RGS6: variants seen among roughly 807,000 people sequenced by gnomAD.
RGS6 encodes regulator of G-protein signaling 6.
Under a neutral mutation model 78.5 loss-of-function variants are expected in RGS6, and 30 were observed. The ratio of observed to expected loss-of-function variants is 0.38; its 90% CI spans 0.29 to 0.52. RGS6 has a LOEUF of 0.52. Among genes scored for constraint, RGS6 ranks in the 20% least tolerant of loss-of-function variants. RGS6 has a pLI of 0.85. For synonymous variants in RGS6, 206 were observed against 206.0 expected, an observed-to-expected ratio of 1.00 and a Z score of 0.00; for missense variants, 495 against 609.7, an observed-to-expected ratio of 0.81 and a Z score of 1.98.
rs564275353 is a variant in RGS6 at position 71,994,924 on chromosome 14, C to T, written c.84+30049C>T. Among the ~76,000 whole-genome samples the T allele has an allele frequency of 1.9e-3, 296 of 152,270 alleles. 1 individual carries two copies. Among genetic ancestry groups the T allele is most frequent in the African/African-American group, 6.7e-3 (278 of 41,552 alleles). ...TTGCTGTGGCCCCAAGAAAGTACCA[C>T]AAGCCTGAGGTTTTCACCGTCCTTA... On this transcript the variant is annotated intron_variant, in intron 2 of 17. Coordinates refer to ENST00000553525, the MANE Select transcript of RGS6 (RefSeq NM_001204424.2).
chr14:72,288,995 T>A (rs1388523838), intron 2 of RGS6, among the ~76,000 whole-genome samples: 1 of 152,152 alleles, frequency 6.6e-6, no homozygotes, highest in African/African-American at 2.4e-5. Flanking sequence ...GGCAAAGGGC[T>A]CTGCAGAGCC....
intron 2 of RGS6, among the ~76,000 whole-genome samples, chr14:72,256,708 G>A (rs2057155504): frequency 6.6e-6 from 1 of 152,166 alleles, no homozygotes; most frequent in Admixed American, 6.5e-5. Context: ...TAGTTAGGTT[G>A]GCCTATATCC....
At chr14:72,375,772 T>C (rs1346500292) in intron 3 of RGS6, among the ~76,000 whole-genome samples, 5 of 152,116 alleles carry the variant, frequency 3.3e-5, no homozygotes, top group Non-Finnish European at 1.5e-5. Context: ...GGATTACAGC[T>C]TAAGAAACTA....
At chr14:72,327,623 G>A (rs2074098607) in intron 2 of RGS6, among the ~76,000 whole-genome samples, 1 of 152,164 alleles carries the variant, frequency 6.6e-6, no homozygotes, top group Admixed American at 6.5e-5. Flanking sequence ...TCAGAGCCAA[G>A]TCTAGATATT....
chr14:72,576,654 C>T, the RGS6 span, among the ~76,000 whole-genome samples: 1 of 152,196 alleles, frequency 6.6e-6, no homozygotes, highest in African/African-American at 2.4e-5. Context: ...TTGAGCCATG[C>T]TGTGGTCCCA....
intron 2 of RGS6, among the ~76,000 whole-genome samples, chr14:72,046,628 T>TC (rs1240052163): frequency 6.7e-6 from 1 of 149,734 alleles, no homozygotes; most frequent in Non-Finnish European, 1.5e-5. Flanking sequence ...CTCTTCCTCC[T>TC]CCCCCAACCC....
the RGS6 span, chr14:72,629,678 C>A: frequency 6.5e-7 from 1 of 1,535,984 alleles, no homozygotes; most frequent in Non-Finnish European, 8.7e-7. Flanking sequence ...TGCACTGCCA[C>A]TTGTAGGTCT....
the RGS6 span, among the ~76,000 whole-genome samples, chr14:72,597,523 A>C: frequency 6.6e-6 from 1 of 152,012 alleles, no homozygotes; most frequent in Non-Finnish European, 1.5e-5. Flanking sequence ...GACCAGACAT[A>C]AATCTTTTCA....
At chr14:72,609,755 C>T in the RGS6 span, among the ~76,000 whole-genome samples, 1 of 152,128 alleles carries the variant, frequency 6.6e-6, no homozygotes, top group Non-Finnish European at 1.5e-5. Flanking sequence ...GCTGTCGTTG[C>T]TTTTTAGAGA....
chr14:72,492,445 A>G (rs1357086013), intron 12 of RGS6, among the ~76,000 whole-genome samples: 2 of 152,100 alleles, frequency 1.3e-5, no homozygotes, highest in Non-Finnish European at 2.9e-5. Context: ...TTCAAGGGAG[A>G]AGGGAGCGAG....
chr14:72,054,734 C>T (rs932915463), intron 2 of RGS6, among the ~76,000 whole-genome samples: 8 of 152,208 alleles, frequency 5.3e-5, no homozygotes, highest in Admixed American at 5.2e-4. Context: ...CTCCCCATCC[C>T]TCTGCCACCA....
chr14:72,243,101 C>T (rs1012048268), intron 2 of RGS6, among the ~76,000 whole-genome samples: 8 of 152,194 alleles, frequency 5.3e-5, no homozygotes, highest in East Asian at 1.9e-4. Flanking sequence ...CCACCCGCCT[C>T]GGCCTCCCAA....
At chr14:72,507,912 C>T (rs1271458587) in intron 13 of RGS6, among the ~76,000 whole-genome samples, 2 of 152,204 alleles carry the variant, frequency 1.3e-5, no homozygotes, top group Non-Finnish European at 2.9e-5. Context: ...CCTGCAGTCT[C>T]TGGGGCTTAA....
At chr14:72,162,418 G>T (rs894995333) in intron 2 of RGS6, among the ~76,000 whole-genome samples, 2 of 152,124 alleles carry the variant, frequency 1.3e-5, no homozygotes, top group African/African-American at 4.8e-5. Context: ...GGAATTTCAT[G>T]AGTTCTGGGG....
chr14:71,896,604 G>C, the RGS6 span, among the ~76,000 whole-genome samples: 188 of 152,304 alleles, frequency 1.2e-3, 1 homozygote, highest in African/African-American at 4.4e-3. Context: ...ATGCAGCCCA[G>C]TAGGTCTCAG....
Position 72,225,755 on chromosome 14 carries a change from G to A in RGS6, c.85-126340G>A, listed in dbSNP as rs563528211. On this transcript the variant is annotated intron_variant, in intron 2 of 17. Transcript: ENST00000553525. ...ATTCTATGCTTTTTGCAAAAATAGG[G>A]TCATACTATATTTAGTGTAATCAAA... Among the ~76,000 whole-genome samples the A allele has an allele frequency of 9.7e-4, 147 of 152,258 alleles. 1 individual carries two copies. The highest frequency in any genetic ancestry group is 3.3e-3 in the African/African-American group (135 of 41,538).
intron 2 of RGS6, among the ~76,000 whole-genome samples, chr14:72,337,386 C>T (rs1446591440): frequency 6.6e-6 from 1 of 152,010 alleles, no homozygotes; most frequent in Non-Finnish European, 1.5e-5. Flanking sequence ...CTCTCTACCT[C>T]CTGGTTCCCT....
chr14:72,548,414 T>C (rs966134972), intron 17 of RGS6, among the ~76,000 whole-genome samples: 4 of 151,880 alleles, frequency 2.6e-5, no homozygotes. Flanking sequence ...ATTTGTAGCC[T>C]TTCCTAAAAA....
chr14:72,332,515 A>G (rs559596661), intron 2 of RGS6, among the ~76,000 whole-genome samples: 4 of 152,206 alleles, frequency 2.6e-5, no homozygotes, highest in Admixed American at 2.6e-4. Flanking sequence ...GGATGTCCCA[A>G]CTAGGAACCC....
Sources: allele counts gnomAD v4.1 joint callset (sites outside exome capture counted in the v4.1 genomes callset), GRCh38; gene constraint gnomAD v4.1.1; transcripts MANE v1.5; gene names NCBI Gene and HGNC (gene_info 2026-07-23, HGNC 2026-07-21).